CAMK1D: variants seen among roughly 807,000 people sequenced by gnomAD.
The protein encoded by CAMK1D is calcium/calmodulin dependent protein kinase ID.
A neutral mutation model predicts 47.7 loss-of-function variants in CAMK1D; 9 were observed. The observed-to-expected ratio is 0.19, with a 90% CI of 0.11 to 0.33. The LOEUF is 0.33. CAMK1D is among the 10% of genes least tolerant of loss of function. CAMK1D has a pLI of 1.00. For synonymous variants in CAMK1D, 184 were observed against 184.9 expected, an observed-to-expected ratio of 0.99 and a Z score of 0.04; for missense variants, 291 against 488.7, an observed-to-expected ratio of 0.60 and a Z score of 3.81.
At chr10:12,733,509 A>G (rs1404947230) in intron 3 of CAMK1D, among the ~76,000 whole-genome samples, 1 of 152,228 alleles carries the variant, frequency 6.6e-6, no homozygotes, top group Non-Finnish European at 1.5e-5. Flanking sequence ...TTGAATTTCC[A>G]TCAGACTAGG....
At chr10:12,682,750 A>G (rs1248105156) in intron 3 of CAMK1D, among the ~76,000 whole-genome samples, 1 of 152,202 alleles carries the variant, frequency 6.6e-6, no homozygotes, top group Non-Finnish European at 1.5e-5. Flanking sequence ...TTTCCCAGAT[A>G]CGGGTTTAGA....
chr10:12,710,271 G>C (rs970573142), intron 3 of CAMK1D, among the ~76,000 whole-genome samples: 3 of 152,130 alleles, frequency 2.0e-5, no homozygotes, highest in African/African-American at 7.2e-5. Context: ...GGATCCCGAC[G>C]TAATGACATT....
chr10:12,411,145 G>A (rs1839642449), intron 1 of CAMK1D, among the ~76,000 whole-genome samples: 1 of 152,144 alleles, frequency 6.6e-6, no homozygotes, highest in Non-Finnish European at 1.5e-5. Flanking sequence ...GGGAGTACCT[G>A]GGCCAGCCTG....
chr10:12,827,019 G>C (rs1045272191), intron 10 of CAMK1D, among the ~76,000 whole-genome samples: 4 of 152,218 alleles, frequency 2.6e-5, no homozygotes, highest in South Asian at 4.1e-4. Flanking sequence ...ACATCCTCTG[G>C]GGGAGGGCTT....
intron 1 of CAMK1D, among the ~76,000 whole-genome samples, chr10:12,497,385 G>T (rs558033888): frequency 3.3e-5 from 5 of 150,984 alleles, no homozygotes; most frequent in Non-Finnish European, 7.4e-5. Flanking sequence ...GCTGAGGCAG[G>T]AGAATCACTT....
At chr10:12,489,482 T>C (rs1834315361) in intron 1 of CAMK1D, among the ~76,000 whole-genome samples, 1 of 152,182 alleles carries the variant, frequency 6.6e-6, no homozygotes, top group African/African-American at 2.4e-5. Context: ...TCATTTGTGC[T>C]TCCATAAGGA....
In CAMK1D at chr10:12,407,573, T is replaced by G. The variant is rs772763177; in HGVS notation, c.92+57663T>G. ...TAGCCCCTTCTTCTGGAAGCCTCTC[T>G]GAGACCCTGAGGGCAGGGAGTAACC... On this transcript the variant is annotated intron_variant, in intron 1 of 10. Coordinates refer to ENST00000619168, the MANE Select transcript of CAMK1D (RefSeq NM_153498.4). 3.5e-4 allele frequency among the ~76,000 whole-genome samples: 53 copies of G among 152,218 alleles called. 1 individual carries two copies. The highest frequency in any genetic ancestry group is 2.6e-4 in the Admixed American group (4 of 15,286).
At chr10:12,618,129 T>G (rs994540228) in intron 2 of CAMK1D, among the ~76,000 whole-genome samples, 1 of 152,226 alleles carries the variant, frequency 6.6e-6, no homozygotes, top group Non-Finnish European at 1.5e-5. Flanking sequence ...AGCAGCCGAT[T>G]CAGGGCTCTG....
chr10:12,665,175 G>A (rs1840390025), intron 2 of CAMK1D, among the ~76,000 whole-genome samples: 1 of 152,178 alleles, frequency 6.6e-6, no homozygotes, highest in Non-Finnish European at 1.5e-5. Flanking sequence ...TTTGGAATCA[G>A]GTGGAAGGTG....
At chr10:12,489,577 A>G (rs1482122580) in intron 1 of CAMK1D, among the ~76,000 whole-genome samples, 3 of 152,098 alleles carry the variant, frequency 2.0e-5, no homozygotes, top group Non-Finnish European at 4.4e-5. Context: ...CCTTGGGAGG[A>G]GGGAGAAATA....
At chr10:12,408,853 T>C (rs547856200) in intron 1 of CAMK1D, among the ~76,000 whole-genome samples, 22,118 of 142,194 alleles carry the variant, frequency 0.16, 1,021 homozygotes, top group Admixed American at 0.23. Flanking sequence ...TCTTTCTTTT[T>C]TTTTTTTTTT....
chr10:12,691,004 C>T (rs941143110), intron 3 of CAMK1D, among the ~76,000 whole-genome samples: 2 of 152,064 alleles, frequency 1.3e-5, no homozygotes, highest in African/African-American at 2.4e-5. Context: ...CTGGGGGCGT[C>T]GTTTCACAAA....
chr10:12,616,786 A>G (rs1838838168), intron 2 of CAMK1D, among the ~76,000 whole-genome samples: 2 of 152,172 alleles, frequency 1.3e-5, no homozygotes, highest in Non-Finnish European at 2.9e-5. Context: ...CAAAGTGCTG[A>G]GATGACAGGC....
chr10:12,700,647 A>G (rs1288998482), intron 3 of CAMK1D, among the ~76,000 whole-genome samples: 1 of 152,194 alleles, frequency 6.6e-6, no homozygotes, highest in Non-Finnish European at 1.5e-5. Flanking sequence ...AACATATATG[A>G]AAGACATGGC....
chr10:12,685,923 G>C (rs926216518), intron 3 of CAMK1D, among the ~76,000 whole-genome samples: 1 of 152,154 alleles, frequency 6.6e-6, no homozygotes, highest in Non-Finnish European at 1.5e-5. Context: ...TGCCCTTCAA[G>C]TACATCTTAC....
chr10:12,434,421 T>C (rs1832570832), intron 1 of CAMK1D, among the ~76,000 whole-genome samples: 1 of 152,146 alleles, frequency 6.6e-6, no homozygotes. Flanking sequence ...TGATCATGGA[T>C]GCCCATGAGA....
At chr10:12,607,233 T>C (rs1330489470) in intron 2 of CAMK1D, among the ~76,000 whole-genome samples, 1 of 152,190 alleles carries the variant, frequency 6.6e-6, no homozygotes, top group African/African-American at 2.4e-5. Context: ...CCGGCCTCCC[T>C]CCCTTTCTTC....
At chr10:12,489,278 T>A (rs1366426863) in intron 1 of CAMK1D, among the ~76,000 whole-genome samples, 2 of 152,040 alleles carry the variant, frequency 1.3e-5, no homozygotes, top group East Asian at 3.9e-4. Flanking sequence ...CTGGTATCGG[T>A]TTATGGCCCG....
At chr10:12,674,599 C>T (rs908784889) in intron 3 of CAMK1D, among the ~76,000 whole-genome samples, 433 of 63,306 alleles carry the variant, frequency 6.8e-3, no homozygotes, top group South Asian at 0.011. Context: ...TGGAAAAATG[C>T]TTTTTTTTTT....
Sources: gnomAD v4.1 joint callset for allele counts (sites outside exome capture counted in the v4.1 genomes callset) on GRCh38, gnomAD v4.1.1 for gene constraint, MANE v1.5 for transcripts, NCBI Gene and HGNC (gene_info 2026-07-23, HGNC 2026-07-21) for gene names.